The following MEAK7 variants were observed in gnomAD, a reference collection of about 807,000 sequenced individuals.
The protein encoded by MEAK7 is MTOR-associated protein MEAK7.
In MEAK7, 68 loss-of-function variants were observed where a neutral mutation model predicts 40.5. The ratio of observed to expected loss-of-function variants is 1.68; its 90% CI spans 1.38 to 2.06. The LOEUF (loss-of-function observed/expected upper bound fraction) is 2.06, where lower values mean the gene tolerates loss of function less well. Ranked by LOEUF, MEAK7 falls within the 30% of genes most tolerant of loss-of-function variation. The pLI is 0.00. For synonymous variants in MEAK7, 338 were observed against 231.9 expected, an observed-to-expected ratio of 1.46 and a Z score of -4.16; for missense variants, 918 against 580.5, an observed-to-expected ratio of 1.58 and a Z score of -5.98.
At chr16:84,504,169 T>C (rs1000955332) in intron 1 of MEAK7, 2 of 985,386 alleles carry the variant, frequency 2.0e-6, no homozygotes, top group Non-Finnish European at 1.2e-6. Context: ...CAGATGGGTG[T>C]GGTCAGAATA....
In MEAK7 at chr16:84,479,211, C is replaced by T. The variant is rs903308924; in HGVS notation, c.*702G>A. On this transcript the variant is annotated 3_prime_UTR_variant, in exon 8 of 8. Transcript: ENST00000343629. ...GTTCATGCTTTTAAATACAGAACTCCCATGCCATTGGAAGCTGTTCCCAGA... is the reference window on the plus strand; with the variant it reads ...GTTCATGCTTTTAAATACAGAACTCTCATGCCATTGGAAGCTGTTCCCAGA... 6.6e-6 allele frequency: 1 copy of T among 152,212 alleles called. No homozygotes were observed. Among genetic ancestry groups the T allele is most frequent in the Non-Finnish European group, 1.5e-5 (1 of 68,060 alleles). The allele number at this position is 152,212 out of a possible 1,614,324, so 9.4% of individuals were successfully genotyped here. A position where few individuals can be genotyped will look rare whatever the true frequency, so the allele number is the denominator to read the frequency against.
chr16:84,501,930 A>G (rs549379962), intron 1 of MEAK7, among the ~76,000 whole-genome samples: 5 of 152,238 alleles, frequency 3.3e-5, no homozygotes, highest in African/African-American at 9.6e-5. Flanking sequence ...GGATCTCCTG[A>G]GGTCGGGAGT....
At chr16:84,496,784 C>T in intron 2 of MEAK7, among the ~76,000 whole-genome samples, 1 of 152,108 alleles carries the variant, frequency 6.6e-6, no homozygotes, top group African/African-American at 2.4e-5. Flanking sequence ...CCCATCCTGC[C>T]TCCAAACTCT....
chr16:84,483,831 G>A (rs540261319), intron 5 of MEAK7, among the ~76,000 whole-genome samples: 1 of 152,320 alleles, frequency 6.6e-6, no homozygotes, highest in African/African-American at 2.4e-5. Flanking sequence ...AGGACAAGGT[G>A]TGGGACAGGT....
chr16:84,484,731 C>T lies in MEAK7; in HGVS notation c.958+1900G>A, dbSNP rs189830054. ...ACTTAAAGTCTCAGATATTAGAGGT[C>T]ATTATTTCCAGGACAAGCGGACAGC... On this transcript the variant is annotated intron_variant, in intron 5 of 7. Coordinates refer to ENST00000343629, the MANE Select transcript of MEAK7 (RefSeq NM_020947.4). Among the ~76,000 whole-genome samples the T allele has an allele frequency of 1.5e-3, 232 of 152,282 alleles. 2 individuals carry two copies. In the Middle Eastern group the frequency reaches 0.037, roughly 25 times the overall value.
rs148102734 is a variant in MEAK7, at chr16:84,489,331, T to C, written c.476A>G (p.Asn159Ser). The C allele has an allele frequency of 7.8e-4, 1,262 of 1,614,020 alleles. 1 individual carries two copies. The highest frequency in any genetic ancestry group is 1.0e-3 in the Non-Finnish European group (1,219 of 1,180,026). ...GWTGKEAPGP[N>S]PRVQVLAAQL... ...AGCAGCCAGCACCTGCACCCGGGGG[T>C]TGGGCCCTGGGGCTTCCTTCCCAGT... Residue 159 changes from asparagine to serine, a missense_variant, in exon 4 of 8, where the codon AAC (asparagine) becomes AGC (serine). Transcript: ENST00000343629.
rs1912351287 is a variant in MEAK7 at position 84,479,814 on chromosome 16, T to C, written c.*99A>G. ...CCAGGCTGTGACCCGTGCGGTACGCTATTACAGTTAAACCATGTGGGAGGG... is the reference window on the plus strand; with the variant it reads ...CCAGGCTGTGACCCGTGCGGTACGCCATTACAGTTAAACCATGTGGGAGGG... On this transcript the variant is annotated 3_prime_UTR_variant, in exon 8 of 8. Transcript: ENST00000343629. 5 of 873,906 alleles carry C rather than the reference T, an allele frequency of 5.7e-6. No individual in the cohort carries two copies. The South Asian group carries it at 1.0e-4, about 18-fold the overall frequency. The allele number at this position is 873,906 out of a possible 1,614,324, so 54.1% of individuals were successfully genotyped here.
Position 84,497,991 on chromosome 16 carries a change from T to C in MEAK7, c.96A>G (p.Ser32=). The C allele has an allele frequency of 6.2e-7, 1 of 1,614,232 alleles. No homozygotes were observed. Among genetic ancestry groups the C allele is most frequent in the Non-Finnish European group, 8.5e-7 (1 of 1,180,038 alleles). Residue 32 remains serine (S), a synonymous_variant, in exon 2 of 8, where the codon TCA becomes TCG. Coordinates refer to ENST00000343629, the MANE Select transcript of MEAK7 (RefSeq NM_020947.4). ...AGACATTCGGGCTGTTTTTATCTGA[T>C]GACAGAGCATCAAACAATTGATCAA... The part of the protein sequence containing the change: ...AEIDQLFDAL[S]SDKNSPNVSS...
At chr16:84,503,149 G>A (rs1454150664) in intron 1 of MEAK7, among the ~76,000 whole-genome samples, 1 of 151,982 alleles carries the variant, frequency 6.6e-6, no homozygotes, top group Non-Finnish European at 1.5e-5. Flanking sequence ...AACTGTCTTG[G>A]GCCACACATA....
chr16:84,483,419 C>T (rs1257421640), intron 5 of MEAK7, among the ~76,000 whole-genome samples: 2 of 152,254 alleles, frequency 1.3e-5, no homozygotes, highest in Admixed American at 6.5e-5. Flanking sequence ...GTTCTGAGGA[C>T]TTGGCCGGAA....
At chr16:84,493,690 A>C (rs1597955332) in intron 3 of MEAK7, among the ~76,000 whole-genome samples, 1 of 152,360 alleles carries the variant, frequency 6.6e-6, no homozygotes, top group East Asian at 1.9e-4. Context: ...AATTTATGGC[A>C]ATATAATTAT....
chr16:84,501,442 C>G (rs570476559), intron 1 of MEAK7, among the ~76,000 whole-genome samples: 117 of 152,140 alleles, frequency 7.7e-4, no homozygotes, highest in Admixed American at 2.1e-3. Context: ...CAGGCTCCCC[C>G]ACTGTGGTCG....
At chr16:84,491,265 C>A (rs1427442281) in intron 3 of MEAK7, among the ~76,000 whole-genome samples, 1 of 152,138 alleles carries the variant, frequency 6.6e-6, no homozygotes, top group South Asian at 2.1e-4. Flanking sequence ...CGTGGTGAAA[C>A]TGTATCTCTA....
At chr16:84,490,414 C>T (rs369790921) in intron 3 of MEAK7, among the ~76,000 whole-genome samples, 1 of 148,080 alleles carries the variant, frequency 6.8e-6, no homozygotes, top group South Asian at 2.1e-4. Context: ...GGCCCACACT[C>T]TCGCTGGGCG....
rs201496676 is a variant in MEAK7 at position 84,486,975 on chromosome 16, T to A, written c.614A>T (p.His205Leu). The A allele has an allele frequency of 2.5e-5, 40 of 1,614,124 alleles. No individual in the cohort carries two copies. Among genetic ancestry groups the A allele is most frequent in the Non-Finnish European group, 3.2e-5 (38 of 1,180,028 alleles). Reference sequence around the variant, plus strand: ...GACCACACTCAGGAATATGGCCACATGGGGGACCCTGAACACCCAGTCCTC... The same window carrying A: ...GACCACACTCAGGAATATGGCCACAAGGGGGACCCTGAACACCCAGTCCTC... ...VIEDWVFRVPHVAIFLSVVIC... is the reference protein window; with the variant it reads ...VIEDWVFRVPLVAIFLSVVIC... The change falls in exon 5 of 8, where the codon CAT becomes CTT. Residue 205 changes from histidine (H) to leucine (L), a missense_variant. Coordinates refer to ENST00000343629, the MANE Select transcript of MEAK7 (RefSeq NM_020947.4).
At chr16:84,503,689 G>C (rs1914674299) in intron 1 of MEAK7, among the ~76,000 whole-genome samples, 1 of 152,084 alleles carries the variant, frequency 6.6e-6, no homozygotes, top group Admixed American at 6.6e-5. Context: ...ATGGCTCCTT[G>C]GGATCTTGTC....
At chr16:84,495,634 G>A (rs1370912747) in intron 3 of MEAK7, 49 bp downstream of exon 3, 2 of 1,583,018 alleles carry the variant, frequency 1.3e-6, no homozygotes, top group Non-Finnish European at 1.7e-6. Flanking sequence ...CCCACCGATG[G>A]TCACCAAGAC....
At chr16:84,502,167 G>C (rs946270730) in intron 1 of MEAK7, among the ~76,000 whole-genome samples, 1 of 151,788 alleles carries the variant, frequency 6.6e-6, no homozygotes, top group African/African-American at 2.4e-5. Context: ...GACAATGCAC[G>C]CTGGTGCTGG....
chr16:84,483,154 C>A (rs1567488426), intron 5 of MEAK7, among the ~76,000 whole-genome samples: 1 of 152,222 alleles, frequency 6.6e-6, no homozygotes, highest in Non-Finnish European at 1.5e-5. Context: ...AAGAACGTAC[C>A]ATGCAGAGAG....
Sources: gnomAD v4.1 joint callset for allele counts (sites outside exome capture counted in the v4.1 genomes callset) on GRCh38, gnomAD v4.1.1 for gene constraint, MANE v1.5 for transcripts, NCBI Gene and HGNC (gene_info 2026-07-23, HGNC 2026-07-21) for gene names.